Variants in IFT20 observed in about 807,000 individuals in gnomAD.
The protein encoded by IFT20 is intraflagellar transport 20.
IFT20 carries 4 observed loss-of-function variants against 16.9 expected under a neutral mutation model. The observed-to-expected ratio is 0.24, with a 90% CI of 0.12 to 0.54. The LOEUF is 0.54. Ranked by LOEUF, IFT20 falls within the 20% of genes least tolerant of loss-of-function variation. The pLI, the probability that IFT20 is intolerant of heterozygous loss-of-function variation, is 0.95. For synonymous variants in IFT20, 48 were observed against 49.9 expected, an observed-to-expected ratio of 0.96 and a Z score of 0.16; for missense variants, 154 against 149.7, an observed-to-expected ratio of 1.03 and a Z score of -0.15.
At chr17:28,333,866 G>A (rs1328621763) in intron 1 of IFT20, among the ~76,000 whole-genome samples, 1 of 152,164 alleles carries the variant, frequency 6.6e-6, no homozygotes, top group Non-Finnish European at 1.5e-5. Context: ...AGGAGGTGGA[G>A]GCTGCAGTGA....
At chr17:28,334,010 A>G (rs1906961768) in intron 1 of IFT20, among the ~76,000 whole-genome samples, 1 of 152,162 alleles carries the variant, frequency 6.6e-6, no homozygotes, top group South Asian at 2.1e-4. Context: ...TTGAAGTAAC[A>G]TGAGGGAGCA....
rs1020852962 is a variant in IFT20 at position 28,330,594 on chromosome 17, T to A, written c.128-66A>T. ...TCATCACTCCCCTTCGGTAGAGTGC[T>A]AAGGCAGTGAGAGGGCAGAGCGGAC... On this transcript the variant is annotated intron_variant, in intron 2 of 4. Transcript: ENST00000395418. The A allele has an allele frequency of 6.6e-5, 73 of 1,108,030 alleles. 1 individual carries two copies. Among genetic ancestry groups the A allele is most frequent in the Non-Finnish European group, 9.6e-5 (70 of 726,434 alleles). 68.6% of individuals were successfully genotyped at this position (1,108,030 alleles called of 1,614,324 possible).
Position 28,329,223 on chromosome 17 carries a change from T to C in IFT20, c.267A>G (p.Gln89=), listed in dbSNP as rs892235887. Residue 89 remains glutamine (Q), a synonymous_variant, in exon 4 of 5, where the codon CAA becomes CAG. Transcript: ENST00000395418. ...LKSIAKQREA[Q]QQQLQALIAE... Reference sequence around the variant, plus strand: ...CTATTAGGGCTTGAAGTTGCTGCTGTTGAGCTTCTCTCTGCTTTGCTATAG... The same window carrying C: ...CTATTAGGGCTTGAAGTTGCTGCTGCTGAGCTTCTCTCTGCTTTGCTATAG... 1 of 1,614,232 alleles carries C rather than the reference T, an allele frequency of 6.2e-7. No homozygotes were observed.
At chr17:28,333,194 A>G (rs1218888762) in intron 1 of IFT20, among the ~76,000 whole-genome samples, 4 of 152,132 alleles carry the variant, frequency 2.6e-5, no homozygotes, top group African/African-American at 7.2e-5. Flanking sequence ...CAATTCTAAA[A>G]CCCAGGTGCT....
chr17:28,328,439 G>A lies in IFT20; in HGVS notation c.*213C>T, dbSNP rs564402815. On this transcript the variant is annotated 3_prime_UTR_variant, in exon 5 of 5. Transcript: ENST00000395418. ...CCAACTAAGCATAAGAGGTGAGAACGTACACTGCAGGGCCACCAGCAGCAG... is the reference window on the plus strand; with the variant it reads ...CCAACTAAGCATAAGAGGTGAGAACATACACTGCAGGGCCACCAGCAGCAG... 2.1e-5 allele frequency: 11 copies of A among 528,152 alleles called. No homozygotes were observed. Among genetic ancestry groups the A allele is most frequent in the Middle Eastern group, 4.9e-4 (1 of 2,050 alleles). 32.7% of individuals were successfully genotyped at this position (528,152 alleles called of 1,614,324 possible).
chr17:28,332,202 G>A (rs1555576688), intron 1 of IFT20: 6 of 1,536,746 alleles, frequency 3.9e-6, no homozygotes, highest in South Asian at 3.6e-5. Context: ...GACAGTGGCA[G>A]TCAGGAGGAG....
At chr17:28,332,309 G>T in intron 1 of IFT20, 1 of 1,076,006 alleles carries the variant, frequency 9.3e-7, no homozygotes, top group African/African-American at 1.6e-5. Flanking sequence ...CCTACTACAT[G>T]CCAACACTGC....
intron 2 of IFT20, chr17:28,331,633 A>G: frequency 1.9e-6 from 1 of 527,908 alleles, no homozygotes; most frequent in South Asian, 2.8e-5. Flanking sequence ...ATATCTAAAG[A>G]CACCCTCCCC....
At chr17:28,330,657 G>A (rs1906715725) in intron 2 of IFT20, 129 bp from the exon 3 acceptor site, 2 of 665,972 alleles carry the variant, frequency 3.0e-6, no homozygotes, top group South Asian at 1.7e-5. Context: ...TTCGGTGTGG[G>A]CCAGGCGTGG....
chr17:28,334,754 A>C (rs1907022376), intron 1 of IFT20, among the ~76,000 whole-genome samples: 1 of 152,230 alleles, frequency 6.6e-6, no homozygotes, highest in Non-Finnish European at 1.5e-5. Context: ...GCAGCCGAAC[A>C]CAAGTGTTCC....
At chr17:28,330,587 A>G in intron 2 of IFT20, 59 bp from the exon 3 acceptor site, 1 of 1,156,340 alleles carries the variant, frequency 8.6e-7, no homozygotes, top group East Asian at 2.3e-5. Flanking sequence ...CCCCTTCGGT[A>G]GAGTGCTAAG....
chr17:28,328,566 A>AGCC lies in IFT20; in HGVS notation c.*83_*85dup, dbSNP rs1349775451. On this transcript the variant is annotated 3_prime_UTR_variant, in exon 5 of 5. Coordinates refer to ENST00000395418, the MANE Select transcript of IFT20 (RefSeq NM_001267776.2). Reference sequence around the variant, plus strand: ...CTCTTGTGACATAGGTCATTGGTCAAGCCGCTGGAATGCTACAGAGGTTTT... The same window carrying AGCC: ...CTCTTGTGACATAGGTCATTGGTCAAGCCGCCGCTGGAATGCTACAGAGGTTTT... 1.8e-5 allele frequency: 15 copies of AGCC among 815,338 alleles called. No homozygotes were observed. Among genetic ancestry groups the AGCC allele is most frequent in the Non-Finnish European group, 3.0e-5 (15 of 495,382 alleles). The allele number at this position is 815,338 out of a possible 1,614,324, so 50.5% of individuals were successfully genotyped here. A position where few individuals can be genotyped will look rare whatever the true frequency, so the allele number is the denominator to read the frequency against.
chr17:28,332,172 G>A, intron 1 of IFT20, 185 bp from the exon 2 acceptor site: 14 of 1,539,276 alleles, frequency 9.1e-6, no homozygotes, highest in Non-Finnish European at 1.2e-5. Flanking sequence ...TTCCCTAGAG[G>A]AGTTCTGCTC....
In IFT20 at chr17:28,328,643, A is replaced by C; in HGVS notation, c.*9T>G. On this transcript the variant is annotated 3_prime_UTR_variant, in exon 5 of 5. Transcript: ENST00000395418. ...TTTGCCTTCCTACTATAAAAGCGAAATTTTCAGTTCATTTCTGAAAAATAA... is the reference window on the plus strand; with the variant it reads ...TTTGCCTTCCTACTATAAAAGCGAACTTTTCAGTTCATTTCTGAAAAATAA... 2 of 1,584,918 alleles carry C rather than the reference A, an allele frequency of 1.3e-6. No individual in the cohort carries two copies. The highest frequency in any genetic ancestry group is 1.7e-6 in the Non-Finnish European group (2 of 1,162,988).
At chr17:28,332,075 A>C (rs1287918964) in intron 1 of IFT20, 88 bp from the exon 2 acceptor site, 15 of 1,610,096 alleles carry the variant, frequency 9.3e-6, no homozygotes, top group Non-Finnish European at 1.2e-5. Flanking sequence ...CTGCCCTTGG[A>C]CACCAATGCC....
intron 1 of IFT20, among the ~76,000 whole-genome samples, chr17:28,333,072 A>AAC (rs56753724): frequency 0.17 from 24,584 of 144,464 alleles, 2,096 homozygotes; most frequent in Non-Finnish European, 0.19. Flanking sequence ...TCTGGCTCAA[A>AAC]ACACACACAC....
At chr17:28,329,847 G>T in intron 3 of IFT20, 1 of 225,626 alleles carries the variant, frequency 4.4e-6, no homozygotes, top group Non-Finnish European at 8.6e-6. Flanking sequence ...GATCACCTAA[G>T]GTTGGGAGTT....
At chr17:28,331,383 C>G (rs897027675) in intron 2 of IFT20, 1 of 161,194 alleles carries the variant, frequency 6.2e-6, no homozygotes, top group African/African-American at 2.4e-5. Context: ...GCTTGCTTGG[C>G]TGCTGGGACA....
intron 1 of IFT20, among the ~76,000 whole-genome samples, chr17:28,334,987 T>C (rs1290998718): frequency 1.3e-5 from 2 of 151,866 alleles, no homozygotes; most frequent in African/African-American, 4.8e-5. Context: ...CACACGCGTG[T>C]CTGAGCATCT....
Sources: allele counts gnomAD v4.1 joint callset (sites outside exome capture counted in the v4.1 genomes callset), GRCh38; gene constraint gnomAD v4.1.1; transcripts MANE v1.5; gene names NCBI Gene and HGNC (gene_info 2026-07-23, HGNC 2026-07-21).